GALNT18: variants seen among roughly 807,000 people sequenced by gnomAD.
The protein encoded by GALNT18 is polypeptide N-acetylgalactosaminyltransferase 18.
A neutral mutation model predicts 69.5 loss-of-function variants in GALNT18; 44 were observed. The ratio of observed to expected loss-of-function variants is 0.63; its 90% CI spans 0.50 to 0.81. GALNT18 has a LOEUF of 0.81. GALNT18 is among the 40% of genes least tolerant of loss of function. GALNT18 has a pLI of 0.00. For missense variants in GALNT18, 715 were observed against 810.0 expected, an observed-to-expected ratio of 0.88 and a Z score of 1.42; for synonymous variants, 364 against 318.2, an observed-to-expected ratio of 1.14 and a Z score of -1.53.
At position 11,474,278 on chromosome 11, in the gene GALNT18, G is replaced by T. The variant is rs140242416; in HGVS notation, c.236-25342C>A. On this transcript the variant is annotated intron_variant, in intron 1 of 10. Transcript: ENST00000227756. ...AAAATGAGCCAGCCATAGAACTAAG[G>T]AGACAGCAAGTATAAAAGACTTGTG... Among the ~76,000 whole-genome samples the T allele has an allele frequency of 8.7e-3, 1,318 of 152,270 alleles. 20 individuals carry two copies. The highest frequency in any genetic ancestry group is 0.03 in the African/African-American group (1,234 of 41,542).
chr11:11,553,491 C>A (rs754536553), intron 1 of GALNT18, among the ~76,000 whole-genome samples: 22 of 152,330 alleles, frequency 1.4e-4, no homozygotes, highest in Admixed American at 3.3e-4. Flanking sequence ...CCCCTCCCTG[C>A]CTGCCTCTCC....
chr11:11,417,687 C>T (rs923979825), intron 3 of GALNT18, among the ~76,000 whole-genome samples: 7 of 152,294 alleles, frequency 4.6e-5, no homozygotes, highest in Non-Finnish European at 8.8e-5. Context: ...TGCATCGGCC[C>T]ACATCCCATA....
In GALNT18 at chr11:11,523,953, G is replaced by A. The variant is rs541255070; in HGVS notation, c.236-75017C>T. 6.6e-6 allele frequency among the ~76,000 whole-genome samples: 1 copy of A among 152,238 alleles called. No individual in the cohort carries two copies. The highest frequency in any genetic ancestry group is 2.1e-4 in the South Asian group (1 of 4,806). On this transcript the variant is annotated intron_variant, in intron 1 of 10. Transcript: ENST00000227756. The surrounding 1 kb of genome is among the most constrained non-coding windows in gnomAD (Gnocchi z 4.3). ...GGACCCTCTGGGCACTGCCAATACT[G>A]TGGATACTGGGCACTGCATTGCAGC...
chr11:11,422,082 C>T (rs1483774541), intron 3 of GALNT18, among the ~76,000 whole-genome samples: 21 of 152,178 alleles, frequency 1.4e-4, no homozygotes, highest in Admixed American at 1.4e-3. Context: ...AGAAACTTTA[C>T]TTCCATAGAA....
intron 6 of GALNT18, chr11:11,352,363 C>T: frequency 1.2e-6 from 2 of 1,614,082 alleles, no homozygotes; most frequent in Non-Finnish European, 1.7e-6. Flanking sequence ...CCATATAAAT[C>T]TTCTGTCCCC....
At position 11,377,608 on chromosome 11, in the gene GALNT18, C is replaced by A. The variant is rs1302581837; in HGVS notation, c.780-229G>T. On this transcript the variant is annotated intron_variant, in intron 4 of 10. Transcript: ENST00000227756. The surrounding 1 kb of genome is among the most constrained non-coding windows in gnomAD (Gnocchi z 4.6). ...CACCACTCCATTGGCATATCCAGAG[C>A]TGAGCTGAGAGATTCTTATTCCAGC... 6.6e-6 allele frequency among the ~76,000 whole-genome samples: 1 copy of A among 151,694 alleles called. No individual in the cohort carries two copies. Among genetic ancestry groups the A allele is most frequent in the Non-Finnish European group, 1.5e-5 (1 of 68,002 alleles).
At chr11:11,427,423 C>T (rs746122678) in intron 3 of GALNT18, among the ~76,000 whole-genome samples, 1 of 152,096 alleles carries the variant, frequency 6.6e-6, no homozygotes, top group Non-Finnish European at 1.5e-5. Flanking sequence ...AGACACGAGG[C>T]GCCAGCATGC....
chr11:11,319,514 T>C (rs531444630), intron 9 of GALNT18, among the ~76,000 whole-genome samples: 55 of 152,296 alleles, frequency 3.6e-4, no homozygotes, highest in Admixed American at 9.2e-4. Context: ...GAGAATGTCA[T>C]GTGAAGGGTG....
rs145357232 is a variant in GALNT18 at position 11,577,166 on chromosome 11, T to C, written c.235+44193A>G. Among the ~76,000 whole-genome samples the C allele has an allele frequency of 5.6e-4, 86 of 152,328 alleles. 1 individual carries two copies. The highest frequency in any genetic ancestry group is 3.4e-3 in the Middle Eastern group (1 of 294). On this transcript the variant is annotated intron_variant, in intron 1 of 10. Transcript: ENST00000227756. ...TGCGGATGAAATGAAATAACGTATG[T>C]GCTGCATTCAGCAAGTACCTGGCCC...
At chr11:11,533,563 G>A (rs2133945272) in intron 1 of GALNT18, among the ~76,000 whole-genome samples, 1 of 152,274 alleles carries the variant, frequency 6.6e-6, no homozygotes, top group Admixed American at 6.5e-5. Flanking sequence ...GGCCCCTACG[G>A]CACTGAGTCA....
At chr11:11,323,070 T>C (rs775687712) in intron 9 of GALNT18, among the ~76,000 whole-genome samples, 18 of 152,176 alleles carry the variant, frequency 1.2e-4, no homozygotes, top group Non-Finnish European at 2.1e-4. Context: ...TTTCAACATA[T>C]GATTTTCAAG....
At chr11:11,507,611 C>T (rs1205085158) in intron 1 of GALNT18, among the ~76,000 whole-genome samples, 2 of 152,142 alleles carry the variant, frequency 1.3e-5, no homozygotes, top group African/African-American at 4.8e-5. Context: ...TTTCTACAAA[C>T]CTTATAAAAC....
At position 11,601,461 on chromosome 11, in the gene GALNT18, C is replaced by G. The variant is rs929198715; in HGVS notation, c.235+19898G>C. On this transcript the variant is annotated intron_variant, in intron 1 of 10. Coordinates refer to ENST00000227756, the MANE Select transcript of GALNT18 (RefSeq NM_198516.3). This position sits in a 1 kb window ranked among gnomAD's most constrained non-coding sequence, Gnocchi z 4.0. ...TTTTAGCAGAGCTCCTTTTAACTGTCTCTATTGCTTATCTCCCTGTTACAT... is the reference window on the plus strand; with the variant it reads ...TTTTAGCAGAGCTCCTTTTAACTGTGTCTATTGCTTATCTCCCTGTTACAT... Among the ~76,000 whole-genome samples, 2 of 152,204 alleles carry G rather than the reference C, an allele frequency of 1.3e-5. No individual in the cohort carries two copies. The highest frequency in any genetic ancestry group is 2.4e-5 in the African/African-American group (1 of 41,454).
intron 6 of GALNT18, among the ~76,000 whole-genome samples, chr11:11,370,285 C>T (rs549234312): frequency 2.3e-4 from 35 of 152,260 alleles, no homozygotes; most frequent in African/African-American, 6.5e-4. Flanking sequence ...GATACACAAT[C>T]GTATGGTGTA....
Position 11,586,790 on chromosome 11 carries a change from A to G in GALNT18, c.235+34569T>C, listed in dbSNP as rs61870390. ...GGAGTTTGAGACCAGCCTGGCCAAC[A>G]TGGTTAAACACCATCTCTACTAAAA... On this transcript the variant is annotated intron_variant, in intron 1 of 10. Transcript: ENST00000227756. This position sits in a 1 kb window ranked among gnomAD's most constrained non-coding sequence, Gnocchi z 4.1. 0.1 allele frequency among the ~76,000 whole-genome samples: 15,660 copies of G among 149,336 alleles called. 1,013 individuals are homozygous for G. The highest frequency in any genetic ancestry group is 0.15 in the Non-Finnish European group (10,201 of 67,520).
rs1247513388 is a variant in GALNT18, at chr11:11,463,813, A to G, written c.236-14877T>C. Among the ~76,000 whole-genome samples the G allele has an allele frequency of 6.6e-6, 1 of 152,206 alleles. No individual in the cohort carries two copies. Among genetic ancestry groups the G allele is most frequent in the Admixed American group, 6.5e-5 (1 of 15,278 alleles). On this transcript the variant is annotated intron_variant, in intron 1 of 10. Coordinates refer to ENST00000227756, the MANE Select transcript of GALNT18 (RefSeq NM_198516.3). The surrounding 1 kb of genome is among the most constrained non-coding windows in gnomAD (Gnocchi z 4.2). ...GAGCATGACGGTAAAAATATTTATC[A>G]CATGAAAGATGTGAAACCTTTATGC...
chr11:11,376,836 T>C (rs1318049975), intron 5 of GALNT18, among the ~76,000 whole-genome samples: 1 of 152,234 alleles, frequency 6.6e-6, no homozygotes, highest in East Asian at 1.9e-4. Context: ...GGTAGAATAA[T>C]GTTCCTATTC....
intron 1 of GALNT18, chr11:11,476,568 C>G (rs1398577525): frequency 2.0e-5 from 3 of 152,174 alleles, no homozygotes; most frequent in African/African-American, 7.2e-5. Flanking sequence ...CTATGGACAG[C>G]TCCGGTGACA....
chr11:11,336,734 C>T (rs1423555334), intron 7 of GALNT18, among the ~76,000 whole-genome samples: 1 of 152,226 alleles, frequency 6.6e-6, no homozygotes, highest in Non-Finnish European at 1.5e-5. Flanking sequence ...TCTTTTCCAA[C>T]TGACCTTTAC....
Sources: gnomAD v4.1 joint callset for allele counts (sites outside exome capture counted in the v4.1 genomes callset) on GRCh38, gnomAD v4.1.1 for gene constraint, Gnocchi (gnomAD v3.1) non-coding constraint, MANE v1.5 for transcripts, NCBI Gene and HGNC (gene_info 2026-07-23, HGNC 2026-07-21) for gene names.